Variants in AGFG2 observed in about 807,000 individuals in gnomAD.
AGFG2 encodes ArfGAP with FG repeats 2, also known as arf-GAP domain and FG repeat-containing protein 2.
In AGFG2, 31 loss-of-function variants were observed where a neutral mutation model predicts 48.0. That is an observed-to-expected ratio of 0.65 (90% CI 0.49 to 0.87). The LOEUF is 0.87. AGFG2 is among the 40% of genes least tolerant of loss of function. The probability of loss-of-function intolerance (pLI) is 0.00; values close to 1 mark genes in which losing one functional copy is unlikely to be tolerated. For missense variants in AGFG2, 599 were observed against 632.6 expected (o/e 0.95, Z 0.57); for synonymous variants, 229 against 260.8 (o/e 0.88, Z 1.18).
Position 100,562,308 on chromosome 7 carries a change from TCAGC to T in AGFG2, c.930_933del (p.Pro311ThrfsTer85), listed in dbSNP as rs1303289801. 6.2e-7 allele frequency: 1 copy of T among 1,613,964 alleles called. No individual in the cohort carries two copies. The highest frequency in any genetic ancestry group is 8.5e-7 in the Non-Finnish European group (1 of 1,180,032). On this transcript the variant is annotated frameshift_variant, in exon 7 of 12. Coordinates refer to ENST00000300176, the MANE Select transcript of AGFG2 (RefSeq NM_006076.5). LOFTEE classifies it high-confidence loss of function. This position sits in a 1 kb window ranked among gnomAD's most constrained non-coding sequence, Gnocchi z 5.4. The stretch of plus-strand genomic sequence containing the variant: ...GTGCCACTCCCCTGGCACCCGCCAG[TCAGC>T]CAAACAGCCTCGCAGACGTGGGCAG...
In AGFG2 at chr7:100,562,581, C is replaced by T. The variant is rs368397375; in HGVS notation, c.999-13C>T. 42 of 1,613,502 alleles carry T rather than the reference C, an allele frequency of 2.6e-5. No individual in the cohort carries two copies. The African/African-American group carries it at 3.2e-4, about 12-fold the overall frequency. On this transcript the variant is annotated splice_polypyrimidine_tract_variant and intron_variant, in intron 7 of 11. Coordinates refer to ENST00000300176, the MANE Select transcript of AGFG2 (RefSeq NM_006076.5). This position sits in a 1 kb window ranked among gnomAD's most constrained non-coding sequence, Gnocchi z 5.4. The stretch of plus-strand genomic sequence containing the variant: ...TGGCAGCTGTGTATGACTTCTCTCT[C>T]CCCGTGTTGTAGCCTCTTCGGGATG...
intron 3 of AGFG2, among the ~76,000 whole-genome samples, chr7:100,552,740 C>T (rs78298747): frequency 0.014 from 2,139 of 152,236 alleles, 43 homozygotes; most frequent in African/African-American, 0.049. Flanking sequence ...GGAATTGTCC[C>T]GGCAGGAGCT....
At chr7:100,548,305 T>G (rs11770880) in intron 1 of AGFG2, among the ~76,000 whole-genome samples, 12,391 of 143,442 alleles carry the variant, frequency 0.086, 609 homozygotes, top group East Asian at 0.15. Context: ...TTCTTTTTTT[T>G]GGGGGTTGGA....
At chr7:100,553,263 C>T in intron 3 of AGFG2, 84 bp from the exon 4 acceptor site, 4 of 1,516,064 alleles carry the variant, frequency 2.6e-6, no homozygotes, top group Non-Finnish European at 3.6e-6. Flanking sequence ...TAGATTTTGA[C>T]TCCTGTGTCT....
intron 3 of AGFG2, among the ~76,000 whole-genome samples, chr7:100,551,606 A>G (rs1800647058): frequency 6.6e-6 from 1 of 151,364 alleles, no homozygotes; most frequent in Non-Finnish European, 1.5e-5. Flanking sequence ...AAAATAGGCC[A>G]GGCAAGGTGG....
At chr7:100,563,987 C>A (rs767188966) in intron 10 of AGFG2, 25 bp downstream of exon 10, 3 of 1,602,518 alleles carry the variant, frequency 1.9e-6, no homozygotes, top group East Asian at 4.5e-5. Context: ...TGGACAAACC[C>A]TTTCACCCCA....
intron 1 of AGFG2, among the ~76,000 whole-genome samples, chr7:100,541,766 CA>C (rs11285690): frequency 0.14 from 8,913 of 65,512 alleles, 224 homozygotes; most frequent in Middle Eastern, 0.16. Flanking sequence ...CTCTGTCTCA[CA>C]AAAAAAAAAA....
rs190708054 is a variant in AGFG2 at position 100,547,111 on chromosome 7, G to A, written c.222-1711G>A. 3.9e-5 allele frequency among the ~76,000 whole-genome samples: 6 copies of A among 152,048 alleles called. No homozygotes were observed. The East Asian group carries it at 7.7e-4, about 20-fold the overall frequency. ...TCCCATAATGAGTAATTTATCATCC[G>A]CAGGGTGGCCGCCCTTACTGTTCAC... On this transcript the variant is annotated intron_variant, in intron 1 of 11. Transcript: ENST00000300176.
chr7:100,555,130 C>G (rs961657220), intron 5 of AGFG2, among the ~76,000 whole-genome samples: 3 of 152,004 alleles, frequency 2.0e-5, no homozygotes, highest in Non-Finnish European at 4.4e-5. Flanking sequence ...CAGGCCCCAC[C>G]CATTTCCCTC....
chr7:100,565,486 C>G lies in AGFG2; in HGVS notation c.*495C>G, dbSNP rs138739394. 1 of 155,190 alleles carries G rather than the reference C, an allele frequency of 6.4e-6. No individual in the cohort carries two copies. The highest frequency in any genetic ancestry group is 1.9e-4 in the East Asian group (1 of 5,228). The allele number at this position is 155,190 out of a possible 1,614,324, so 9.6% of individuals were successfully genotyped here. Reference sequence around the variant, plus strand: ...CACACACTTTCCTCCTGCAGCACCCCCTGCTGAAGGGGTCCCCCATTGTTT... The same window carrying G: ...CACACACTTTCCTCCTGCAGCACCCGCTGCTGAAGGGGTCCCCCATTGTTT... On this transcript the variant is annotated 3_prime_UTR_variant, in exon 12 of 12. Coordinates refer to ENST00000300176, the MANE Select transcript of AGFG2 (RefSeq NM_006076.5).
At position 100,562,248 on chromosome 7, in the gene AGFG2, C is replaced by T. The variant is rs1271977891; in HGVS notation, c.878-11C>T. 20 of 1,612,518 alleles carry T rather than the reference C, an allele frequency of 1.2e-5. No individual in the cohort carries two copies. Among genetic ancestry groups the T allele is most frequent in the Admixed American group, 5.0e-5 (3 of 59,950 alleles). The stretch of plus-strand genomic sequence containing the variant: ...TCAGCTCTCCCTGTTGTATTTTCCA[C>T]AACTGCCCAGGGAGCAGCCAGGGGA... On this transcript the variant is annotated splice_polypyrimidine_tract_variant and intron_variant, in intron 6 of 11. Transcript: ENST00000300176. The surrounding 1 kb of genome is among the most constrained non-coding windows in gnomAD (Gnocchi z 5.4).
Position 100,564,212 on chromosome 7 carries a change from C to T in AGFG2, c.1301-6C>T. 2 of 1,608,962 alleles carry T rather than the reference C, an allele frequency of 1.2e-6. No homozygotes were observed. Among genetic ancestry groups the T allele is most frequent in the Non-Finnish European group, 1.7e-6 (2 of 1,177,630 alleles). ...TGTCAGCTGAGTGACTGCTCTCGCC[C>T]CCTAGGCTCTTCCTTCGGGGACTTA... is the stretch of plus-strand genomic sequence containing the variant. On this transcript the variant is annotated splice_region_variant and splice_polypyrimidine_tract_variant and intron_variant, in intron 10 of 11. Transcript: ENST00000300176.
chr7:100,539,709 C>T, intron 1 of AGFG2, 142 bp downstream of exon 1: 1 of 578,200 alleles, frequency 1.7e-6, no homozygotes, highest in Non-Finnish European at 2.5e-6. Flanking sequence ...GCTGTGGGGA[C>T]GGGGTCGTCT....
intron 9 of AGFG2, 122 bp downstream of exon 9, chr7:100,563,068 T>C (rs1019974624): frequency 1.9e-6 from 2 of 1,033,664 alleles, no homozygotes; most frequent in Non-Finnish European, 2.8e-6. Context: ...GCCTGGTTCT[T>C]CCCCTGCCCA....
chr7:100,542,058 T>C (rs1034063284), intron 1 of AGFG2, among the ~76,000 whole-genome samples: 2 of 152,040 alleles, frequency 1.3e-5, no homozygotes, highest in African/African-American at 4.8e-5. Context: ...CTCTGTTGCT[T>C]AGGCTGGAGT....
chr7:100,541,201 A>G (rs914344887), intron 1 of AGFG2, among the ~76,000 whole-genome samples: 2 of 152,178 alleles, frequency 1.3e-5, no homozygotes, highest in African/African-American at 4.8e-5. Flanking sequence ...ATGGCAGACC[A>G]GCAATGAGGA....
Position 100,565,466 on chromosome 7 carries a change from A to G in AGFG2, c.*475A>G, listed in dbSNP as rs1458159911. ...TGGTGGCCCAGCTTGGCCAGCACAC[A>G]CTTTCCTCCTGCAGCACCCCCTGCT... On this transcript the variant is annotated 3_prime_UTR_variant, in exon 12 of 12. Transcript: ENST00000300176. The G allele has an allele frequency of 1.3e-5, 2 of 156,404 alleles. No homozygotes were observed. Among genetic ancestry groups the G allele is most frequent in the African/African-American group, 4.8e-5 (2 of 41,424 alleles). The allele number at this position is 156,404 out of a possible 1,614,324, so 9.7% of individuals were successfully genotyped here. A position where few individuals can be genotyped will look rare whatever the true frequency, so the allele number is the denominator to read the frequency against.
chr7:100,562,847 C>T lies in AGFG2; in HGVS notation c.1088-16C>T. ...CATCTCTCTCTTTCCTGCCGCTCCC[C>T]ATTCCACCTGGGCAGCCTTCACTAA... On this transcript the variant is annotated splice_polypyrimidine_tract_variant and intron_variant, in intron 8 of 11. Transcript: ENST00000300176. This position sits in a 1 kb window ranked among gnomAD's most constrained non-coding sequence, Gnocchi z 5.4. 6.2e-7 allele frequency: 1 copy of T among 1,613,588 alleles called. No homozygotes were observed. Among genetic ancestry groups the T allele is most frequent in the Non-Finnish European group, 8.5e-7 (1 of 1,179,506 alleles).
chr7:100,548,172 G>A (rs1800551058), intron 1 of AGFG2, among the ~76,000 whole-genome samples: 1 of 152,134 alleles, frequency 6.6e-6, no homozygotes, highest in Non-Finnish European at 1.5e-5. Context: ...GCTGAACACT[G>A]AAACTACTGG....
Sources: allele counts gnomAD v4.1 joint callset (sites outside exome capture counted in the v4.1 genomes callset), GRCh38; gene constraint gnomAD v4.1.1; non-coding constraint Gnocchi (gnomAD v3.1); transcripts MANE v1.5; gene names NCBI Gene and HGNC (gene_info 2026-07-23, HGNC 2026-07-21).